CREB1: variants seen among roughly 807,000 people sequenced by gnomAD.
CREB1 encodes cAMP responsive element binding protein 1, also known as cyclic AMP-responsive element-binding protein 1.
CREB1 carries 2 observed loss-of-function variants against 42.0 expected under a neutral mutation model. That is an observed-to-expected ratio of 0.05 (90% CI 0.02 to 0.15). The LOEUF is 0.15. CREB1 is among the 10% of genes least tolerant of loss of function. The pLI is 1.00. For synonymous variants in CREB1, 123 were observed against 139.9 expected (o/e 0.88, Z 0.85); for missense variants, 199 against 388.9 (o/e 0.51, Z 4.11).
At chr2:207,570,548 G>T (rs2082315099) in intron 5 of CREB1, among the ~76,000 whole-genome samples, 1 of 152,100 alleles carries the variant, frequency 6.6e-6, no homozygotes, top group African/African-American at 2.4e-5. Context: ...AAACCTTTTA[G>T]ATGTCCTTTT....
At chr2:207,582,714 T>C (rs1378063736) in intron 7 of CREB1, among the ~76,000 whole-genome samples, 1 of 152,034 alleles carries the variant, frequency 6.6e-6, no homozygotes, top group Non-Finnish European at 1.5e-5. Context: ...GCCAATATGG[T>C]GAAACCCTCT....
chr2:207,576,841 T>G, intron 6 of CREB1: 1 of 1,003,054 alleles, frequency 1.0e-6, no homozygotes, highest in Non-Finnish European at 1.2e-6. Context: ...TTACGCTGTT[T>G]TTAGAAGCAG....
At position 207,602,456 on chromosome 2, in the gene CREB1, A is replaced by C. The variant is rs1445725616; in HGVS notation, c.*5398A>C. 2 of 201,388 alleles carry C rather than the reference A, an allele frequency of 9.9e-6. No homozygotes were observed. The highest frequency in any genetic ancestry group is 1.2e-4 in the Admixed American group (2 of 16,634). 12.5% of individuals were successfully genotyped at this position (201,388 alleles called of 1,614,324 possible). On this transcript the variant is annotated 3_prime_UTR_variant, in exon 8 of 8. Transcript: ENST00000353267. ...TTGGAATTGTCTTTGAAAAGGATCA[A>C]AGAGTAGGAAATTCACATTTGACCT...
At chr2:207,586,546 AAAAG>A (rs1050677949) in intron 7 of CREB1, among the ~76,000 whole-genome samples, 4 of 152,340 alleles carry the variant, frequency 2.6e-5, no homozygotes, top group African/African-American at 9.6e-5. Flanking sequence ...ACAAGCAACA[AAAAG>A]AAAAATAGTT....
At chr2:207,569,473 A>G (rs2082267865) in intron 4 of CREB1, among the ~76,000 whole-genome samples, 1 of 151,980 alleles carries the variant, frequency 6.6e-6, no homozygotes, top group African/African-American at 2.4e-5. Flanking sequence ...TTGTTTCCCA[A>G]TCTGAGAAGT....
chr2:207,558,725 A>T (rs149163523), intron 2 of CREB1, among the ~76,000 whole-genome samples: 1 of 151,068 alleles, frequency 6.6e-6, no homozygotes, highest in Non-Finnish European at 1.5e-5. Context: ...GCTCACTGCA[A>T]CCTCTGCCCC....
At chr2:207,575,695 G>A (rs910005237) in intron 6 of CREB1, among the ~76,000 whole-genome samples, 14 of 152,056 alleles carry the variant, frequency 9.2e-5, no homozygotes, top group Admixed American at 7.9e-4. Context: ...ATCTTTTGGG[G>A]TAGAAGAAAC....
At chr2:207,584,306 C>T (rs975380815) in intron 7 of CREB1, among the ~76,000 whole-genome samples, 5 of 152,172 alleles carry the variant, frequency 3.3e-5, no homozygotes, top group Non-Finnish European at 7.3e-5. Flanking sequence ...GCTTTGTATC[C>T]TTGCCAAAAC....
rs1488482410 is a variant in CREB1, at chr2:207,597,785, C to G, written c.*727C>G. On this transcript the variant is annotated 3_prime_UTR_variant, in exon 8 of 8. Coordinates refer to ENST00000353267, the MANE Select transcript of CREB1 (RefSeq NM_004379.5). Reference sequence around the variant, plus strand: ...TTTTGAATACATTAAAAGAAGTAACCAACTGAACGACAAAGCATGGTATTT... The same window carrying G: ...TTTTGAATACATTAAAAGAAGTAACGAACTGAACGACAAAGCATGGTATTT... The G allele has an allele frequency of 5.0e-6, 1 of 199,070 alleles. No individual in the cohort carries two copies. The highest frequency in any genetic ancestry group is 1.0e-5 in the Non-Finnish European group (1 of 96,634). The allele number at this position is 199,070 out of a possible 1,614,324, so 12.3% of individuals were successfully genotyped here.
intron 7 of CREB1, among the ~76,000 whole-genome samples, chr2:207,586,144 G>A (rs2083794778): frequency 6.6e-6 from 1 of 152,070 alleles, no homozygotes; most frequent in Admixed American, 6.5e-5. Flanking sequence ...AAGCATTCCT[G>A]AACTAAAAGA....
Position 207,604,495 on chromosome 2 carries a change from C to G in CREB1, c.*7437C>G, listed in dbSNP as rs1248816989. 1.4e-5 allele frequency among the ~76,000 whole-genome samples: 2 copies of G among 142,346 alleles called. No individual in the cohort carries two copies. Among genetic ancestry groups the G allele is most frequent in the South Asian group, 2.3e-4 (1 of 4,346 alleles). 93.4% of individuals were successfully genotyped at this position (142,346 alleles called of 152,430 possible). A position where few individuals can be genotyped will look rare whatever the true frequency, so the allele number is the denominator to read the frequency against. ...TGCGTCCTAATTTCTCCACATCTTT[C>G]TTAAGTGCAGTGACCAAACCGGATG... On this transcript the variant is annotated 3_prime_UTR_variant, in exon 8 of 8. Transcript: ENST00000353267.
At chr2:207,579,730 A>C (rs542539794) in intron 7 of CREB1, among the ~76,000 whole-genome samples, 4 of 152,286 alleles carry the variant, frequency 2.6e-5, no homozygotes, top group African/African-American at 9.6e-5. Context: ...CTTTGTTACC[A>C]GATTACTGCT....
At chr2:207,530,402 CGGGCGGCGGGCGGG>C (rs922174482) in intron 1 of CREB1, among the ~76,000 whole-genome samples, 5 of 136,264 alleles carry the variant, frequency 3.7e-5, no homozygotes, top group Non-Finnish European at 8.0e-5. Context: ...CGGCGGGCGG[CGGGCGGCGGGCGGG>C]GTGGGAGCCG....
chr2:207,562,049 C>G (rs939928674), intron 3 of CREB1, among the ~76,000 whole-genome samples: 2 of 152,134 alleles, frequency 1.3e-5, no homozygotes, highest in Non-Finnish European at 2.9e-5. Context: ...ATGTAAAGAT[C>G]TAAGAACTTG....
intron 3 of CREB1, among the ~76,000 whole-genome samples, chr2:207,565,081 G>T (rs2082092033): frequency 6.6e-6 from 1 of 150,482 alleles, no homozygotes. Flanking sequence ...CAGCAAAATT[G>T]AGAGGAAGCT....
chr2:207,552,294 T>C (rs980332161), intron 1 of CREB1, among the ~76,000 whole-genome samples: 14 of 152,252 alleles, frequency 9.2e-5, no homozygotes, highest in Admixed American at 2.0e-4. Context: ...AGTAATATTT[T>C]CTAAAACAAA....
intron 7 of CREB1, among the ~76,000 whole-genome samples, chr2:207,592,675 C>T (rs1034660316): frequency 2.0e-5 from 3 of 151,960 alleles, no homozygotes; most frequent in Admixed American, 6.6e-5. Context: ...AATCCCAGCA[C>T]TTTGGGAGAC....
At chr2:207,579,366 TAGG>T (rs1336321842) in intron 7 of CREB1, among the ~76,000 whole-genome samples, 3 of 151,962 alleles carry the variant, frequency 2.0e-5, no homozygotes, top group African/African-American at 4.8e-5. Context: ...AAAGCAAACA[TAGG>T]AGCAGAATCA....
intron 7 of CREB1, chr2:207,580,919 C>T (rs2106609525): frequency 9.2e-6 from 2 of 217,428 alleles, no homozygotes; most frequent in East Asian, 6.8e-5. Flanking sequence ...TTTTGGTGAA[C>T]GTTACATCTA....
Sources: allele counts gnomAD v4.1 joint callset (sites outside exome capture counted in the v4.1 genomes callset), GRCh38; gene constraint gnomAD v4.1.1; transcripts MANE v1.5; gene names NCBI Gene and HGNC (gene_info 2026-07-23, HGNC 2026-07-21).